KATNA1: variants seen among roughly 807,000 people sequenced by gnomAD.
The protein encoded by KATNA1 is katanin p60 ATPase-containing subunit A1.
In KATNA1, 42 loss-of-function variants were observed where a neutral mutation model predicts 62.6. That is an observed-to-expected ratio of 0.67 (90% CI 0.52 to 0.87). The LOEUF (loss-of-function observed/expected upper bound fraction) is 0.87, where lower values mean the gene tolerates loss of function less well. Ranked by LOEUF, KATNA1 falls within the 40% of genes least tolerant of loss-of-function variation. The pLI is 0.00. For missense variants in KATNA1, 498 were observed against 612.5 expected (o/e 0.81, Z 1.97); for synonymous variants, 186 against 201.9 (o/e 0.92, Z 0.67).
At chr6:149,643,847 AT>A (rs200752597) in intron 1 of KATNA1, among the ~76,000 whole-genome samples, 160 of 146,994 alleles carry the variant, frequency 1.1e-3, no homozygotes, top group East Asian at 3.9e-4. Flanking sequence ...ATATATATAT[AT>A]TTTTTTTTTG....
intron 1 of KATNA1, 114 bp from the exon 2 acceptor site, chr6:149,638,674 C>T: frequency 1.6e-6 from 1 of 620,166 alleles, no homozygotes; most frequent in Non-Finnish European, 2.8e-6. Flanking sequence ...ACACATACCA[C>T]ACTTCCCATC....
chr6:149,648,973 G>A (rs1410945049), upstream of KATNA1: 2 of 152,260 alleles, frequency 1.3e-5, no homozygotes, highest in Admixed American at 1.3e-4. Context: ...CCGAGGTCAG[G>A]TGTCTATTTT....
At chr6:149,603,208 G>T in intron 6 of KATNA1, 60 bp downstream of exon 6, 2 of 683,822 alleles carry the variant, frequency 2.9e-6, no homozygotes, top group Non-Finnish European at 5.1e-6. Flanking sequence ...ATAAATATTG[G>T]CTCTCTGTAT....
chr6:149,642,415 T>C (rs941797232), intron 1 of KATNA1, among the ~76,000 whole-genome samples: 1 of 152,186 alleles, frequency 6.6e-6, no homozygotes, highest in South Asian at 2.1e-4. Context: ...ATACACCCCA[T>C]GACCCAGCAA....
At chr6:149,638,343 G>C in intron 2 of KATNA1, 43 bp downstream of exon 2, 1 of 1,575,112 alleles carries the variant, frequency 6.3e-7, no homozygotes, top group Non-Finnish European at 8.7e-7. Flanking sequence ...TTTCTCTTCC[G>C]AGTACTTAAG....
Position 149,601,470 on chromosome 6 carries a change from T to C in KATNA1, c.888+124A>G, listed in dbSNP as rs534886690. On this transcript the variant is annotated intron_variant, in intron 7 of 10. Coordinates refer to ENST00000367411, the MANE Select transcript of KATNA1 (RefSeq NM_007044.4). ...GTAAAGAAATCTAGCTTTAAGGGCA[T>C]AGGACTCATACTCTGGGCAAAATGG... The C allele has an allele frequency of 8.4e-4, 562 of 671,154 alleles. 3 individuals carry two copies. The East Asian group carries it at 0.015, about 18-fold the overall frequency. 41.6% of individuals were successfully genotyped at this position (671,154 alleles called of 1,614,324 possible). A position where few individuals can be genotyped will look rare whatever the true frequency, so the allele number is the denominator to read the frequency against.
intron 1 of KATNA1, among the ~76,000 whole-genome samples, chr6:149,647,643 T>C (rs1780541354): frequency 6.6e-6 from 1 of 151,662 alleles, no homozygotes. Context: ...TAACATCTAC[T>C]AAGGTGATTA....
At chr6:149,619,960 TATACATAC>T (rs57598954) in intron 4 of KATNA1, among the ~76,000 whole-genome samples, 2 of 151,378 alleles carry the variant, frequency 1.3e-5, no homozygotes, top group African/African-American at 4.9e-5. Context: ...GTGGCATGCA[TATACATAC>T]ATACATACAT....
rs1223810550 is a variant in KATNA1 at position 149,638,438 on chromosome 6, T to C, written c.110A>G (p.Asn37Ser). Residue 37 changes from asparagine (N) to serine (S), a missense_variant, in exon 2 of 11, where the codon AAC becomes AGC. Physicochemically the swap from Asn to Ser is conservative, Grantham distance 46 (BLOSUM62 1). This residue lies in a region of KATNA1 where 203 missense variants were observed against 198.4 expected (regional missense o/e 1.02). Transcript: ENST00000367411. ...ATCTTTGACTGAGTACAGATACTTG[T>C]TCATTTGGTCAAGAACTCCCTGATA... ...VYYQGVLDQM[N>S]KYLYSVKDTY... The C allele has an allele frequency of 5.0e-6, 8 of 1,614,108 alleles. No homozygotes were observed. The highest frequency in any genetic ancestry group is 5.1e-6 in the Non-Finnish European group (6 of 1,179,996).
Position 149,597,138 on chromosome 6 carries a change from G to C in KATNA1, c.1202C>G (p.Ala401Gly). The C allele has an allele frequency of 6.2e-7, 1 of 1,614,082 alleles. No individual in the cohort carries two copies. The highest frequency in any genetic ancestry group is 1.3e-5 in the African/African-American group (1 of 75,048). Residue 401 changes from alanine to glycine, a missense_variant, in exon 10 of 11, where the codon GCT (alanine) becomes GGT (glycine). Coordinates refer to ENST00000367411, the MANE Select transcript of KATNA1 (RefSeq NM_007044.4). The part of the protein sequence containing the change: ...LRISLRELEL[A>G]DDVDLASIAE... ...TATACTTGCAAGGTCAACATCATCA[G>C]CCAATTCCAACTCACGTAGACTTAT... is the stretch of plus-strand genomic sequence containing the variant.
At chr6:149,637,644 T>C (rs1198283421) in intron 2 of KATNA1, among the ~76,000 whole-genome samples, 1 of 151,952 alleles carries the variant, frequency 6.6e-6, no homozygotes, top group East Asian at 1.9e-4. Flanking sequence ...CTGGCCAACA[T>C]GGTGAAAGCC....
Position 149,598,226 on chromosome 6 carries a change from T to A in KATNA1, c.1013A>T (p.Asp338Val). 6.2e-7 allele frequency: 1 copy of A among 1,613,854 alleles called. No homozygotes were observed. The highest frequency in any genetic ancestry group is 8.5e-7 in the Non-Finnish European group (1 of 1,179,958). ...RVKAELLVQM[D>V]GVGGTSENDD... Reference sequence around the variant, plus strand: ...CAACTCAAGCTAAACACAGATACCATCCATCTGAACCAGCAGCTCCGCTTT... The same window carrying A: ...CAACTCAAGCTAAACACAGATACCAACCATCTGAACCAGCAGCTCCGCTTT... Residue 338 changes from aspartate (D) to valine (V), a missense_variant and splice_region_variant, in exon 8 of 11, where the codon GAT (aspartate) becomes GTT (valine). Physicochemically the swap from Asp to Val is radical, Grantham distance 152. Around this residue, in one of 3 missense-constraint regions of KATNA1, gnomAD observed 267 missense variants for 372.6 expected, o/e 0.72. Coordinates refer to ENST00000367411, the MANE Select transcript of KATNA1 (RefSeq NM_007044.4).
At chr6:149,634,597 C>T (rs1779997007) in intron 2 of KATNA1, among the ~76,000 whole-genome samples, 1 of 152,178 alleles carries the variant, frequency 6.6e-6, no homozygotes, top group African/African-American at 2.4e-5. Flanking sequence ...CCTCAAACTC[C>T]TGGGTTCAAG....
chr6:149,598,573 A>G (rs1778416382), intron 7 of KATNA1, among the ~76,000 whole-genome samples: 1 of 151,948 alleles, frequency 6.6e-6, no homozygotes, highest in African/African-American at 2.4e-5. Context: ...AAATTAAAAT[A>G]TTAGTTGAGT....
Position 149,603,264 on chromosome 6 carries a change from T to A in KATNA1, c.729+4A>T. The stretch of plus-strand genomic sequence containing the variant: ...TGACAATGCCATCACAGTAATAAAC[T>A]TACTTTCCATGGTCTCCTAATGCCC... On this transcript the variant is annotated splice_donor_region_variant and intron_variant, in intron 6 of 10. Coordinates refer to ENST00000367411, the MANE Select transcript of KATNA1 (RefSeq NM_007044.4). 7.3e-7 allele frequency: 1 copy of A among 1,372,336 alleles called. No homozygotes were observed. Among genetic ancestry groups the A allele is most frequent in the Non-Finnish European group, 1.0e-6 (1 of 978,050 alleles). The allele number at this position is 1,372,336 out of a possible 1,614,324, so 85.0% of individuals were successfully genotyped here.
At chr6:149,646,632 A>G (rs1284097894) in intron 1 of KATNA1, among the ~76,000 whole-genome samples, 3 of 152,208 alleles carry the variant, frequency 2.0e-5, no homozygotes, top group Admixed American at 2.0e-4. Flanking sequence ...ACTTAAGCAC[A>G]AGAAAGTTAC....
intron 2 of KATNA1, among the ~76,000 whole-genome samples, chr6:149,635,740 T>C (rs1428730739): frequency 6.8e-6 from 1 of 147,034 alleles, no homozygotes; most frequent in Non-Finnish European, 1.5e-5. Context: ...AACAGTAAAG[T>C]GTTATGTATA....
In KATNA1 at chr6:149,602,301, A is replaced by C. The variant is rs555561344; in HGVS notation, c.730-549T>G. The stretch of plus-strand genomic sequence containing the variant: ...GGAATCAATTCAACCCGTTAGGCGG[A>C]GATTGCAGTGAGGCAAGATCGCACT... On this transcript the variant is annotated intron_variant, in intron 6 of 10. Coordinates refer to ENST00000367411, the MANE Select transcript of KATNA1 (RefSeq NM_007044.4). Among the ~76,000 whole-genome samples the C allele has an allele frequency of 2.0e-5, 3 of 152,356 alleles. No homozygotes were observed. The East Asian group carries it at 5.8e-4, about 29-fold the overall frequency.
intron 4 of KATNA1, among the ~76,000 whole-genome samples, chr6:149,622,123 G>GTT (rs1562292322): frequency 8.8e-6 from 1 of 113,682 alleles, no homozygotes; most frequent in Non-Finnish European, 1.6e-5. Context: ...TGATAACTGT[G>GTT]TTTTTTTTGT....
Sources: allele counts gnomAD v4.1 joint callset (sites outside exome capture counted in the v4.1 genomes callset), GRCh38; gene constraint gnomAD v4.1.1; regional missense constraint gnomAD v4.1.1; transcripts MANE v1.5; gene names NCBI Gene and HGNC (gene_info 2026-07-23, HGNC 2026-07-21).